Variants in GPC5 observed in about 807,000 individuals in gnomAD.
GPC5 encodes the protein glypican 5.
A neutral mutation model predicts 53.9 loss-of-function variants in GPC5; 47 were observed. The observed-to-expected ratio is 0.87, with a 90% CI of 0.69 to 1.11. The LOEUF (loss-of-function observed/expected upper bound fraction) is 1.11. Among genes scored for constraint, GPC5 ranks in the 50% most tolerant of loss-of-function variants. The pLI is 0.00. For missense variants in GPC5, 748 were observed against 713.1 expected (o/e 1.05, Z -0.56); for synonymous variants, 286 against 263.3 (o/e 1.09, Z -0.84).
At chr13:92,263,051 G>C (rs2042777763) in intron 7 of GPC5, among the ~76,000 whole-genome samples, 2 of 152,154 alleles carry the variant, frequency 1.3e-5, no homozygotes, top group Admixed American at 1.3e-4. Context: ...ATGACATAGA[G>C]AGTAGCCATC....
chr13:92,562,231 T>G (rs1379330480), intron 7 of GPC5, among the ~76,000 whole-genome samples: 1 of 152,092 alleles, frequency 6.6e-6, no homozygotes, highest in African/African-American at 2.4e-5. Context: ...AAATCTCTTA[T>G]GAATTTCACC....
chr13:92,361,190 A>G (rs1250478570), intron 7 of GPC5, among the ~76,000 whole-genome samples: 1 of 151,450 alleles, frequency 6.6e-6, no homozygotes, highest in Non-Finnish European at 1.5e-5. Context: ...CAAATAAAGG[A>G]AAAAAAACAA....
At chr13:92,202,068 T>C (rs990899105) in intron 7 of GPC5, among the ~76,000 whole-genome samples, 1 of 152,182 alleles carries the variant, frequency 6.6e-6, no homozygotes, top group East Asian at 1.9e-4. Flanking sequence ...TTTTGGACTA[T>C]AGATTATGTC....
chr13:91,436,020 G>T (rs1879913853), intron 1 of GPC5, among the ~76,000 whole-genome samples: 1 of 152,184 alleles, frequency 6.6e-6, no homozygotes, highest in East Asian at 1.9e-4. Flanking sequence ...ATTTCTGTGG[G>T]ATTGGTGGTG....
intron 5 of GPC5, among the ~76,000 whole-genome samples, chr13:91,768,167 G>A (rs1005648556): frequency 6.6e-6 from 1 of 152,042 alleles, no homozygotes; most frequent in African/African-American, 2.4e-5. Context: ...AAGGGAGATT[G>A]GAAAAGAACA....
intron 7 of GPC5, among the ~76,000 whole-genome samples, chr13:92,847,184 T>C (rs1332942255): frequency 1.3e-5 from 2 of 152,170 alleles, no homozygotes; most frequent in Non-Finnish European, 2.9e-5. Flanking sequence ...AGAGAATCAA[T>C]ATCCTTTTTT....
chr13:91,925,380 G>A (rs1020453272), intron 6 of GPC5, among the ~76,000 whole-genome samples: 1 of 151,946 alleles, frequency 6.6e-6, no homozygotes, highest in Non-Finnish European at 1.5e-5. Context: ...CAAGTAATAC[G>A]CTTTCAATCT....
chr13:92,732,494 T>C lies in GPC5; in HGVS notation c.1562-133788T>C, dbSNP rs1888835162. On this transcript the variant is annotated intron_variant, in intron 7 of 7. Transcript: ENST00000377067. ...TTTAATTGTATGCATTGATTTGATT[T>C]GATTATTTCTTCTTTGATTTAGTGA... Among the ~76,000 whole-genome samples, 6 of 150,928 alleles carry C rather than the reference T, an allele frequency of 4.0e-5. No individual in the cohort carries two copies. The Admixed American group carries it at 4.0e-4, about 10-fold the overall frequency.
intron 7 of GPC5, among the ~76,000 whole-genome samples, chr13:92,152,841 C>T (rs1410769198): frequency 2.0e-5 from 3 of 151,930 alleles, no homozygotes; most frequent in Non-Finnish European, 2.9e-5. Flanking sequence ...TATAGTTGTA[C>T]CTAACCCTCC....
intron 2 of GPC5, among the ~76,000 whole-genome samples, chr13:91,612,569 C>T (rs868341828): frequency 3.3e-5 from 5 of 152,120 alleles, no homozygotes; most frequent in Non-Finnish European, 1.5e-5. Context: ...AAAGGGGAAT[C>T]TACGATGTTA....
At chr13:91,812,811 C>T (rs1355331747) in intron 5 of GPC5, among the ~76,000 whole-genome samples, 1 of 152,136 alleles carries the variant, frequency 6.6e-6, no homozygotes, top group Non-Finnish European at 1.5e-5. Flanking sequence ...ACATAAACCT[C>T]AATAGCAGAA....
chr13:91,905,841 G>T (rs1447448090), intron 5 of GPC5, among the ~76,000 whole-genome samples: 1 of 152,070 alleles, frequency 6.6e-6, no homozygotes, highest in Non-Finnish European at 1.5e-5. Context: ...GATATTTAAT[G>T]TAAGCAAACA....
At chr13:92,623,042 T>G (rs1402139941) in intron 7 of GPC5, among the ~76,000 whole-genome samples, 2 of 152,036 alleles carry the variant, frequency 1.3e-5, no homozygotes, top group Admixed American at 1.3e-4. Flanking sequence ...TTTTTTTTAC[T>G]TTGGTCCCAG....
rs79766139 is a variant in GPC5, at chr13:92,489,975, C to T, written c.1561+344986C>T. ...GGAACTTCATTATGACATATTTGTC[C>T]CTAAACATTATATGTAAGTTTTTAT... On this transcript the variant is annotated intron_variant, in intron 7 of 7. Coordinates refer to ENST00000377067, the MANE Select transcript of GPC5 (RefSeq NM_004466.6). Among the ~76,000 whole-genome samples, 1,259 of 151,510 alleles carry T rather than the reference C, an allele frequency of 8.3e-3. 21 individuals carry two copies. The highest frequency in any genetic ancestry group is 0.029 in the African/African-American group (1,182 of 41,426).
At chr13:91,657,223 G>A (rs1447346260) in intron 2 of GPC5, among the ~76,000 whole-genome samples, 2 of 152,108 alleles carry the variant, frequency 1.3e-5, no homozygotes, top group Non-Finnish European at 2.9e-5. Flanking sequence ...AATAAGAGAT[G>A]ATGAAGACTT....
At chr13:92,711,392 A>AG (rs1454019595) in intron 7 of GPC5, among the ~76,000 whole-genome samples, 4 of 152,178 alleles carry the variant, frequency 2.6e-5, no homozygotes, top group African/African-American at 9.6e-5. Flanking sequence ...GCATTATGGT[A>AG]GAAAATATTT....
intron 7 of GPC5, among the ~76,000 whole-genome samples, chr13:92,693,671 G>T (rs932768671): frequency 1.3e-5 from 2 of 152,150 alleles, no homozygotes; most frequent in Non-Finnish European, 2.9e-5. Context: ...TGTTCGCAAA[G>T]AGAGTATCTG....
intron 7 of GPC5, among the ~76,000 whole-genome samples, chr13:92,682,875 G>T (rs1257392236): frequency 6.6e-6 from 1 of 152,200 alleles, no homozygotes; most frequent in African/African-American, 2.4e-5. Context: ...CTGGCTTTCT[G>T]GGAAGAATGT....
chr13:91,698,009 C>T (rs976227769), intron 3 of GPC5, among the ~76,000 whole-genome samples: 1 of 151,342 alleles, frequency 6.6e-6, no homozygotes, highest in Admixed American at 6.6e-5. Flanking sequence ...TCAAGCAATT[C>T]TCCTGCCTCA....
Sources: gnomAD v4.1 joint callset for allele counts (sites outside exome capture counted in the v4.1 genomes callset) on GRCh38, gnomAD v4.1.1 for gene constraint, MANE v1.5 for transcripts, NCBI Gene and HGNC (gene_info 2026-07-23, HGNC 2026-07-21) for gene names.